Variants in ZBTB7C observed in about 807,000 individuals in gnomAD.
ZBTB7C encodes zinc finger and BTB domain-containing protein 7C.
A neutral mutation model predicts 25.7 loss-of-function variants in ZBTB7C; 8 were observed. The observed-to-expected ratio is 0.31, with a 90% CI of 0.18 to 0.56. The LOEUF is 0.56. Ranked by LOEUF, ZBTB7C falls within the 20% of genes least tolerant of loss-of-function variation. The pLI is 0.91. For synonymous variants in ZBTB7C, 394 were observed against 369.0 expected, an observed-to-expected ratio of 1.07 and a Z score of -0.78; for missense variants, 824 against 855.2, an observed-to-expected ratio of 0.96 and a Z score of 0.46.
intron 2 of ZBTB7C, among the ~76,000 whole-genome samples, chr18:48,260,383 G>A (rs995171848): frequency 7.2e-5 from 11 of 152,200 alleles, no homozygotes; most frequent in African/African-American, 2.7e-4. Context: ...AGGGGACACA[G>A]GAAACTTTTG....
chr18:48,123,199 A>G (rs1335567243), intron 3 of ZBTB7C, among the ~76,000 whole-genome samples: 1 of 152,206 alleles, frequency 6.6e-6, no homozygotes, highest in Non-Finnish European at 1.5e-5. Flanking sequence ...TAGGGGTTGA[A>G]AGGGGGACAG....
intron 2 of ZBTB7C, among the ~76,000 whole-genome samples, chr18:48,218,875 G>C (rs1460779425): frequency 1.3e-5 from 2 of 152,098 alleles, no homozygotes; most frequent in Non-Finnish European, 2.9e-5. Context: ...AGCTATGCCG[G>C]GGCCAAGAGT....
intron 1 of ZBTB7C, among the ~76,000 whole-genome samples, chr18:48,367,371 TA>T (rs1555752155): frequency 1.8e-5 from 2 of 113,394 alleles, no homozygotes. Flanking sequence ...TATATATATA[TA>T]AAATACAAAC....
intron 4 of ZBTB7C, among the ~76,000 whole-genome samples, chr18:48,039,626 G>A (rs2036126798): frequency 6.6e-6 from 1 of 152,196 alleles, no homozygotes; most frequent in African/African-American, 2.4e-5. Flanking sequence ...TGCTTGAGGC[G>A]CCTCACTTCC....
chr18:48,226,901 C>T (rs11876297), intron 2 of ZBTB7C, among the ~76,000 whole-genome samples: 26,870 of 151,438 alleles, frequency 0.18, 2,926 homozygotes, highest in Non-Finnish European at 0.25. Context: ...ACAACTGTAG[C>T]CCCAGCTACT....
intron 3 of ZBTB7C, among the ~76,000 whole-genome samples, chr18:48,077,190 A>G (rs368286802): frequency 6.6e-6 from 1 of 152,056 alleles, no homozygotes; most frequent in Non-Finnish European, 1.5e-5. Flanking sequence ...GATGTCGGCT[A>G]GAGGGTACAA....
chr18:48,079,009 A>G (rs1193311297), intron 3 of ZBTB7C, among the ~76,000 whole-genome samples: 1 of 152,214 alleles, frequency 6.6e-6, no homozygotes, highest in Non-Finnish European at 1.5e-5. Context: ...GCTGCTGTGA[A>G]TGTTGATGTA....
intron 4 of ZBTB7C, among the ~76,000 whole-genome samples, chr18:48,030,229 G>A (rs915353375): frequency 2.0e-5 from 3 of 152,148 alleles, no homozygotes; most frequent in Non-Finnish European, 4.4e-5. Context: ...AAGATACTTC[G>A]CCAGAAGTCA....
intron 2 of ZBTB7C, among the ~76,000 whole-genome samples, chr18:48,189,109 G>A (rs1391350769): frequency 6.6e-6 from 1 of 152,210 alleles, no homozygotes; most frequent in African/African-American, 2.4e-5. Flanking sequence ...GGATTGCCTT[G>A]CCTCCTTTCT....
At chr18:48,314,813 G>A (rs1242722897) in intron 2 of ZBTB7C, among the ~76,000 whole-genome samples, 8 of 152,110 alleles carry the variant, frequency 5.3e-5, no homozygotes, top group African/African-American at 1.2e-4. Context: ...CAGGCCACCC[G>A]AGGTGCCCGC....
At chr18:48,116,577 G>A (rs567300453) in intron 3 of ZBTB7C, among the ~76,000 whole-genome samples, 32 of 152,140 alleles carry the variant, frequency 2.1e-4, no homozygotes, top group African/African-American at 5.8e-4. Flanking sequence ...GCCAGTTGCC[G>A]GCTTTCCTAC....
intron 3 of ZBTB7C, among the ~76,000 whole-genome samples, chr18:48,163,547 C>T (rs924839389): frequency 6.6e-6 from 1 of 152,206 alleles, no homozygotes; most frequent in African/African-American, 2.4e-5. Context: ...CTCAGGAAGA[C>T]CAGCTGTCCC....
rs755321484 is a variant in ZBTB7C, at chr18:48,067,211, C to T, written c.-16-26088G>A. On this transcript the variant is annotated intron_variant, in intron 3 of 4. Coordinates refer to ENST00000590800, the MANE Select transcript of ZBTB7C (RefSeq NM_001318841.2). ...GTGGTTAGCCTCCTGGAGTCATAGC[C>T]TTCCTCTGTAAGTGAAGGAGCTGGA... Among the ~76,000 whole-genome samples the T allele has an allele frequency of 1.6e-4, 24 of 152,328 alleles. No individual in the cohort carries two copies. The South Asian group carries it at 1.7e-3, about 11-fold the overall frequency.
chr18:48,366,472 G>C (rs1484863291), intron 1 of ZBTB7C, among the ~76,000 whole-genome samples: 6 of 152,068 alleles, frequency 3.9e-5, no homozygotes, highest in African/African-American at 1.4e-4. Context: ...TACAACACTA[G>C]AAAATAAAGT....
intron 2 of ZBTB7C, among the ~76,000 whole-genome samples, chr18:48,272,762 C>G (rs2044530942): frequency 6.6e-6 from 1 of 151,906 alleles, no homozygotes; most frequent in African/African-American, 2.4e-5. Context: ...AAATGTCCAC[C>G]AAGAGATGGA....
At chr18:48,400,918 T>G (rs1249842634) in intron 1 of ZBTB7C, among the ~76,000 whole-genome samples, 2 of 152,232 alleles carry the variant, frequency 1.3e-5, no homozygotes, top group Non-Finnish European at 2.9e-5. Flanking sequence ...GTGCCCCATC[T>G]TTGTGTGGCC....
Position 48,153,398 on chromosome 18 carries a change from T to A in ZBTB7C, c.-17+32536A>T, listed in dbSNP as rs188497190. 3.9e-5 allele frequency among the ~76,000 whole-genome samples: 6 copies of A among 152,178 alleles called. 1 individual carries two copies. Among genetic ancestry groups the A allele is most frequent in the African/African-American group, 1.4e-4 (6 of 41,532 alleles). Reference sequence around the variant, plus strand: ...GGGAGAGGAGCTAGATTGCACCCACTCTCTTTCTGTTTCTCTGCCTCTCCC... The same window carrying A: ...GGGAGAGGAGCTAGATTGCACCCACACTCTTTCTGTTTCTCTGCCTCTCCC... On this transcript the variant is annotated intron_variant, in intron 3 of 4. Coordinates refer to ENST00000590800, the MANE Select transcript of ZBTB7C (RefSeq NM_001318841.2).
chr18:48,239,691 A>T (rs1373523616), intron 2 of ZBTB7C, among the ~76,000 whole-genome samples: 1 of 152,054 alleles, frequency 6.6e-6, no homozygotes, highest in Non-Finnish European at 1.5e-5. Flanking sequence ...TCAAGGGATC[A>T]CTCTGTGGGA....
chr18:48,300,501 C>T (rs2045516773), intron 2 of ZBTB7C, among the ~76,000 whole-genome samples: 1 of 152,174 alleles, frequency 6.6e-6, no homozygotes, highest in Non-Finnish European at 1.5e-5. Context: ...CCTGAGTCCA[C>T]ACAGCTGGTG....
Sources: gnomAD v4.1 joint callset for allele counts (sites outside exome capture counted in the v4.1 genomes callset) on GRCh38, gnomAD v4.1.1 for gene constraint, MANE v1.5 for transcripts, NCBI Gene and HGNC (gene_info 2026-07-23, HGNC 2026-07-21) for gene names.